Variants in CDH18 observed in about 807,000 individuals in gnomAD.
CDH18 encodes the protein cadherin-18.
A neutral mutation model predicts 67.9 loss-of-function variants in CDH18; 31 were observed. The observed-to-expected ratio is 0.46, with a 90% CI of 0.34 to 0.62. The LOEUF (loss-of-function observed/expected upper bound fraction) is 0.62, where lower values mean the gene tolerates loss of function less well. Among genes scored for constraint, CDH18 ranks in the 20% least tolerant of loss-of-function variants. The pLI, the probability that CDH18 is intolerant of heterozygous loss-of-function variation, is 0.01. For synonymous variants in CDH18, 362 were observed against 347.2 expected (o/e 1.04, Z -0.48); for missense variants, 890 against 975.5 (o/e 0.91, Z 1.17).
At chr5:20,144,212 ACTG>A (rs1257220312) in intron 2 of CDH18, among the ~76,000 whole-genome samples, 1 of 151,922 alleles carries the variant, frequency 6.6e-6, no homozygotes, top group South Asian at 2.1e-4. Context: ...AGCCTGGGAA[ACTG>A]GGCTACCTCT....
chr5:20,189,316 T>C (rs911184642), intron 2 of CDH18, among the ~76,000 whole-genome samples: 1 of 152,080 alleles, frequency 6.6e-6, no homozygotes, highest in Admixed American at 6.6e-5. Context: ...ACAGCAACAA[T>C]TTAGATGTGG....
chr5:20,116,673 G>C (rs138187395), intron 2 of CDH18, among the ~76,000 whole-genome samples: 22 of 152,054 alleles, frequency 1.4e-4, no homozygotes, highest in African/African-American at 5.3e-4. Context: ...ATTAATAATT[G>C]CCTAAAACTT....
chr5:20,370,989 A>G (rs1251132674), intron 1 of CDH18, among the ~76,000 whole-genome samples: 1 of 151,120 alleles, frequency 6.6e-6, no homozygotes, highest in Non-Finnish European at 1.5e-5. Context: ...GTGAGCTGAG[A>G]TCGCACCATT....
At chr5:20,330,815 C>T (rs1006758476) in intron 1 of CDH18, among the ~76,000 whole-genome samples, 1 of 152,176 alleles carries the variant, frequency 6.6e-6, no homozygotes, top group Non-Finnish European at 1.5e-5. Flanking sequence ...CTCAAGTCAC[C>T]AGCTTGGCCG....
intron 3 of CDH18, among the ~76,000 whole-genome samples, chr5:19,748,031 T>G (rs541692797): frequency 4.6e-4 from 64 of 139,424 alleles, no homozygotes; most frequent in African/African-American, 1.6e-3. Flanking sequence ...GAAAATGGCG[T>G]GAACCTGGGA....
At chr5:20,058,624 G>A (rs760808075) in intron 2 of CDH18, among the ~76,000 whole-genome samples, 2 of 152,116 alleles carry the variant, frequency 1.3e-5, no homozygotes, top group Non-Finnish European at 2.9e-5. Context: ...AAGAATCATA[G>A]TATAAAATCA....
chr5:20,086,738 T>A (rs1221937162), intron 2 of CDH18, among the ~76,000 whole-genome samples: 1 of 152,200 alleles, frequency 6.6e-6, no homozygotes, highest in African/African-American at 2.4e-5. Context: ...TTAAGCCCAC[T>A]GTTGAGACCT....
At chr5:19,880,930 GC>G (rs1368798183) in intron 2 of CDH18, among the ~76,000 whole-genome samples, 1 of 151,984 alleles carries the variant, frequency 6.6e-6, no homozygotes, top group Non-Finnish European at 1.5e-5. Context: ...GACTCTGTTG[GC>G]TGTAATTGTT....
At chr5:20,355,143 A>C (rs1741511207) in intron 1 of CDH18, among the ~76,000 whole-genome samples, 1 of 152,156 alleles carries the variant, frequency 6.6e-6, no homozygotes. Context: ...TTCTCTTAAC[A>C]AGTGATTCCC....
chr5:19,747,235 A>G lies in CDH18; in HGVS notation c.230T>C (p.Leu77Pro). The G allele has an allele frequency of 6.2e-7, 1 of 1,611,320 alleles. No homozygotes were observed. Among genetic ancestry groups the G allele is most frequent in the Non-Finnish European group, 8.5e-7 (1 of 1,177,788 alleles). ...MGPDPQYVGK[L>P]HSNSDKGDGS... is the part of the protein sequence containing the mutation. ...ATCACCTTTGTCAGAATTGGAGTGC[A>G]GCTGTGAAATACACATGGAATAATT... The change falls in exon 4 of 13, where the codon CTG becomes CCG. Residue 77 changes from leucine (L) to proline (P), a missense_variant and splice_region_variant. Physicochemically the swap from Leu to Pro is moderately conservative, Grantham distance 98 (BLOSUM62 -3). Around this residue, in one of 2 missense-constraint regions of CDH18, gnomAD observed 234 missense variants for 307.4 expected, o/e 0.76. Transcript: ENST00000382275.
chr5:20,460,528 G>T (rs575435315), intron 1 of CDH18, among the ~76,000 whole-genome samples: 1 of 152,176 alleles, frequency 6.6e-6, no homozygotes, highest in East Asian at 1.9e-4. Flanking sequence ...CTGGCATTTT[G>T]GTTGTGCACA....
chr5:19,970,931 G>A (rs367689944), intron 2 of CDH18, among the ~76,000 whole-genome samples: 49 of 151,790 alleles, frequency 3.2e-4, no homozygotes, highest in African/African-American at 9.6e-4. Flanking sequence ...CATTGGAGAC[G>A]GAGTGATGCT....
At chr5:19,812,410 A>G (rs1176308177) in intron 3 of CDH18, among the ~76,000 whole-genome samples, 1 of 152,152 alleles carries the variant, frequency 6.6e-6, no homozygotes, top group Non-Finnish European at 1.5e-5. Context: ...TAGAAAACAA[A>G]ATATGTAACT....
chr5:20,437,507 G>A (rs1028332247), intron 1 of CDH18, among the ~76,000 whole-genome samples: 7 of 151,214 alleles, frequency 4.6e-5, no homozygotes, highest in Admixed American at 4.6e-4. Flanking sequence ...AGAGTAGATA[G>A]CATAATTTCT....
chr5:20,038,317 T>A (rs1273613606), intron 2 of CDH18, among the ~76,000 whole-genome samples: 1 of 151,858 alleles, frequency 6.6e-6, no homozygotes. Flanking sequence ...TCCAAACAAC[T>A]GAAAAAGAGG....
chr5:20,026,059 C>T (rs62354677), intron 2 of CDH18, among the ~76,000 whole-genome samples: 382 of 152,228 alleles, frequency 2.5e-3, no homozygotes, highest in Non-Finnish European at 4.4e-3. Context: ...TTCTATTCTA[C>T]GCTTGTCACA....
chr5:19,850,776 C>T (rs1561439944), intron 2 of CDH18, among the ~76,000 whole-genome samples: 1 of 151,916 alleles, frequency 6.6e-6, no homozygotes, highest in South Asian at 2.1e-4. Context: ...GAATGATATA[C>T]ATAAACTAAT....
At chr5:19,644,338 C>T (rs62351293) in intron 5 of CDH18, among the ~76,000 whole-genome samples, 8,792 of 151,846 alleles carry the variant, frequency 0.058, 288 homozygotes, top group Non-Finnish European at 0.074. Context: ...GTCTGTGTCG[C>T]AAGAAGCATA....
At chr5:20,247,542 G>A (rs1437315413) in intron 2 of CDH18, among the ~76,000 whole-genome samples, 1 of 151,998 alleles carries the variant, frequency 6.6e-6, no homozygotes, top group South Asian at 2.1e-4. Context: ...GAAATGGGTG[G>A]ATAACGAGGT....
Sources: gnomAD v4.1 joint callset for allele counts (sites outside exome capture counted in the v4.1 genomes callset) on GRCh38, gnomAD v4.1.1 for gene constraint, gnomAD v4.1.1 regional missense constraint, MANE v1.5 for transcripts, NCBI Gene and HGNC (gene_info 2026-07-23, HGNC 2026-07-21) for gene names.